The following GNB4 variants were observed in gnomAD, a reference collection of about 807,000 sequenced individuals.
The protein encoded by GNB4 is G protein subunit beta 4, also known as guanine nucleotide-binding protein subunit beta-4.
GNB4 carries 28 observed loss-of-function variants against 45.2 expected under a neutral mutation model. The observed-to-expected ratio is 0.62, with a 90% confidence interval of 0.46 to 0.85. The LOEUF (loss-of-function observed/expected upper bound fraction) is 0.85. GNB4 is among the 40% of genes least tolerant of loss of function. GNB4 has a pLI of 0.00. For synonymous variants in GNB4, 132 were observed against 143.7 expected (o/e 0.92, Z 0.58); for missense variants, 321 against 425.4 (o/e 0.75, Z 2.16).
chr3:179,493,469 G>A, the GNB4 span, among the ~76,000 whole-genome samples: 2 of 148,614 alleles, frequency 1.3e-5, no homozygotes, highest in Non-Finnish European at 3.0e-5. Flanking sequence ...CAGCAGACTT[G>A]ATCAAACAGA....
chr3:179,481,247 G>A, the GNB4 span, among the ~76,000 whole-genome samples: 1 of 152,134 alleles, frequency 6.6e-6, no homozygotes, highest in African/African-American at 2.4e-5. Flanking sequence ...GAGAAAGAAA[G>A]TATCTTATCT....
chr3:179,523,857 C>T, the GNB4 span, among the ~76,000 whole-genome samples: 2 of 152,050 alleles, frequency 1.3e-5, no homozygotes, highest in African/African-American at 4.8e-5. Flanking sequence ...TGGCTATAGC[C>T]TAGGAATAGT....
At chr3:179,461,731 C>T in the GNB4 span, among the ~76,000 whole-genome samples, 1 of 152,138 alleles carries the variant, frequency 6.6e-6, no homozygotes, top group African/African-American at 2.4e-5. Flanking sequence ...CCACCTCAAC[C>T]TTCAACTACT....
At chr3:179,418,565 A>T (rs1714880655) in intron 4 of GNB4, among the ~76,000 whole-genome samples, 1 of 152,110 alleles carries the variant, frequency 6.6e-6, no homozygotes. Context: ...ATCCCTTCGT[A>T]AGAGGCACAT....
intron 5 of GNB4, 152 bp downstream of exon 5, chr3:179,416,341 A>C: frequency 1.8e-6 from 1 of 556,268 alleles, no homozygotes; most frequent in Non-Finnish European, 3.2e-6. Context: ...ATTAAAAGTA[A>C]ACACTAAGAC....
chr3:179,408,956 G>C (rs368798267), intron 8 of GNB4, among the ~76,000 whole-genome samples: 12 of 149,414 alleles, frequency 8.0e-5, no homozygotes, highest in South Asian at 6.4e-4. Flanking sequence ...GACCAGCCTG[G>C]GCAACATGGC....
chr3:179,491,288 A>G, the GNB4 span, among the ~76,000 whole-genome samples: 4 of 152,220 alleles, frequency 2.6e-5, no homozygotes, highest in Admixed American at 1.3e-4. Flanking sequence ...GTTCAAATTA[A>G]CAGGCTGAAA....
chr3:179,503,496 T>G, the GNB4 span, among the ~76,000 whole-genome samples: 1 of 152,262 alleles, frequency 6.6e-6, no homozygotes, highest in East Asian at 1.9e-4. Flanking sequence ...CATTAAAGTA[T>G]GCTGGTCTTC....
rs1172785195 is a variant in GNB4 at position 179,418,489 on chromosome 3, G to GA, written c.203+909dup. 3.9e-4 allele frequency among the ~76,000 whole-genome samples: 52 copies of GA among 134,276 alleles called. 1 individual carries two copies. The South Asian group carries it at 4.3e-3, about 11-fold the overall frequency. The allele number at this position is 134,276 out of a possible 152,430, so 88.1% of individuals were successfully genotyped here. A position where few individuals can be genotyped will look rare whatever the true frequency, so the allele number is the denominator to read the frequency against. On this transcript the variant is annotated intron_variant, in intron 4 of 9. Coordinates refer to ENST00000232564, the MANE Select transcript of GNB4 (RefSeq NM_021629.4). ...CTGTCTCAAAAAAAAAAAAAAAAAA[G>GA]AAAAAAGAAAAGAAAAAGAAAAAGA...
At chr3:179,501,494 T>TC in the GNB4 span, among the ~76,000 whole-genome samples, 1 of 151,374 alleles carries the variant, frequency 6.6e-6, no homozygotes, top group East Asian at 1.9e-4. Context: ...GTTTGGATTT[T>TC]TTTTTTTTTT....
In GNB4 at chr3:179,401,181, A is replaced by G. The variant is rs781450265; in HGVS notation, c.*32T>C. The G allele has an allele frequency of 1.3e-5, 19 of 1,463,916 alleles. No individual in the cohort carries two copies. The highest frequency in any genetic ancestry group is 3.8e-6 in the Non-Finnish European group (4 of 1,049,798). 90.7% of individuals were successfully genotyped at this position (1,463,916 alleles called of 1,614,324 possible). A position where few individuals can be genotyped will look rare whatever the true frequency, so the allele number is the denominator to read the frequency against. On this transcript the variant is annotated 3_prime_UTR_variant, in exon 10 of 10. Coordinates refer to ENST00000232564, the MANE Select transcript of GNB4 (RefSeq NM_021629.4). ...GGCTGTAGCATTGATTTCTCCAGAT[A>G]TATCAATGGAGAACAAATATGTATG... is the stretch of plus-strand genomic sequence containing the variant.
Position 179,397,177 on chromosome 3 carries a change from A to G in GNB4, c.*4036T>C, listed in dbSNP as rs1714143585. The G allele has an allele frequency of 6.6e-6, 1 of 152,232 alleles. No individual in the cohort carries two copies. The highest frequency in any genetic ancestry group is 1.5e-5 in the Non-Finnish European group (1 of 68,040). 9.4% of individuals were successfully genotyped at this position (152,232 alleles called of 1,614,324 possible). A position where few individuals can be genotyped will look rare whatever the true frequency, so the allele number is the denominator to read the frequency against. ...GGGGGATTGTTTAACCAGTTTTCCT[A>G]AGTTAAACCAAGAATAAGCCACAAG... On this transcript the variant is annotated 3_prime_UTR_variant, in exon 10 of 10. Transcript: ENST00000232564.
At chr3:179,489,104 GAAAATCACTATGAATTTTCAGTTCAGAA>G in the GNB4 span, among the ~76,000 whole-genome samples, 79 of 126,884 alleles carry the variant, frequency 6.2e-4, 1 homozygote, top group Admixed American at 6.1e-3. Context: ...TATTTTATCA[GAAAATCACTATGAATTTTCAGTTCAGAA>G]ACATAAAACT....
intron 8 of GNB4, among the ~76,000 whole-genome samples, chr3:179,411,684 CTA>C (rs1332834639): frequency 6.6e-6 from 1 of 152,222 alleles, no homozygotes; most frequent in Non-Finnish European, 1.5e-5. Flanking sequence ...CTCTAAAACT[CTA>C]TTATTCTAAC....
chr3:179,481,939 A>G, the GNB4 span, among the ~76,000 whole-genome samples: 1 of 152,074 alleles, frequency 6.6e-6, no homozygotes, highest in Admixed American at 6.6e-5. Flanking sequence ...GTCTCGCTCT[A>G]TCACCTAGGC....
At chr3:179,469,197 G>C in the GNB4 span, among the ~76,000 whole-genome samples, 6 of 152,142 alleles carry the variant, frequency 3.9e-5, no homozygotes, top group African/African-American at 1.4e-4. Context: ...AAACCAAGCT[G>C]TAGCCTGGCC....
chr3:179,457,440 T>G, the GNB4 span, among the ~76,000 whole-genome samples: 1 of 152,214 alleles, frequency 6.6e-6, no homozygotes, highest in Non-Finnish European at 1.5e-5. Context: ...TTTGTATGAT[T>G]CAGAGGTTTA....
the GNB4 span, among the ~76,000 whole-genome samples, chr3:179,459,940 C>T: frequency 6.6e-6 from 1 of 152,208 alleles, no homozygotes; most frequent in African/African-American, 2.4e-5. Flanking sequence ...ATCCCAGAGA[C>T]TTCACCAATT....
intron 9 of GNB4, among the ~76,000 whole-genome samples, chr3:179,402,484 G>C (rs1440327788): frequency 6.6e-6 from 1 of 152,194 alleles, no homozygotes; most frequent in Non-Finnish European, 1.5e-5. Flanking sequence ...GCAGTCTCTT[G>C]AAAGAGGTTG....
Sources: allele counts gnomAD v4.1 joint callset (sites outside exome capture counted in the v4.1 genomes callset), GRCh38; gene constraint gnomAD v4.1.1; transcripts MANE v1.5; gene names NCBI Gene and HGNC (gene_info 2026-07-23, HGNC 2026-07-21).